Variants in PFKP observed in about 807,000 individuals in gnomAD.
PFKP encodes ATP-dependent 6-phosphofructokinase, platelet type.
PFKP carries 101 observed loss-of-function variants against 94.3 expected under a neutral mutation model. That is an observed-to-expected ratio of 1.07 (90% CI 0.91 to 1.26). The LOEUF (loss-of-function observed/expected upper bound fraction) is 1.26. PFKP is among the 50% of genes most tolerant of loss of function. The pLI is 0.00. For synonymous variants in PFKP, 573 were observed against 432.6 expected (o/e 1.32, Z -4.03); for missense variants, 1,145 against 1,103.3 (o/e 1.04, Z -0.53).
chr10:3,099,582 G>A (rs1189205418), intron 3 of PFKP, among the ~76,000 whole-genome samples: 1 of 152,170 alleles, frequency 6.6e-6, no homozygotes, highest in Non-Finnish European at 1.5e-5. Flanking sequence ...GTGCCTCCCC[G>A]CTGAAGACGC....
rs571459367 is a variant in PFKP, at chr10:3,100,988, G to C, written c.265-377G>C. The C allele has an allele frequency of 4.2e-5, 67 of 1,611,976 alleles. No homozygotes were observed. The South Asian group carries it at 7.1e-4, about 17-fold the overall frequency. ...CACACCGCTTCCCTTGTCCTGGCCG[G>C]CATGCTCTGGTGGTCAGTGGGCTTG... On this transcript the variant is annotated intron_variant, in intron 3 of 21. Transcript: ENST00000381125.
intron 2 of PFKP, among the ~76,000 whole-genome samples, chr10:3,092,141 C>G (rs2131484476): frequency 6.6e-6 from 1 of 151,800 alleles, no homozygotes; most frequent in African/African-American, 2.4e-5. Context: ...GTCTCCATCT[C>G]CCCATGGCCC....
intron 15 of PFKP, 118 bp from the exon 16 acceptor site, chr10:3,119,774 G>T (rs1166835499): frequency 1.2e-5 from 6 of 506,016 alleles, no homozygotes; most frequent in South Asian, 6.4e-5. Flanking sequence ...GTGTTTTCGT[G>T]ATGCCCCAGT....
At chr10:3,113,644 T>C (rs142856377) in intron 13 of PFKP, 126 bp downstream of exon 13, 12,054 of 796,072 alleles carry the variant, frequency 0.015, 174 homozygotes, top group East Asian at 0.051. Context: ...TCCTGTGATA[T>C]TGTGACTGAA....
Position 3,079,129 on chromosome 10 carries a change from G to A in PFKP, c.113-3259G>A, listed in dbSNP as rs372146013. Among the ~76,000 whole-genome samples the A allele has an allele frequency of 2.3e-3, 357 of 152,312 alleles. 2 individuals carry two copies. The highest frequency in any genetic ancestry group is 6.6e-3 in the Admixed American group (101 of 15,296). ...TTTCCAGGTGGGTGCAGGTGAACCC[G>A]GAGTGGGGGTGGGGAGAATCCAGCA... On this transcript the variant is annotated intron_variant, in intron 1 of 21. Transcript: ENST00000381125.
chr10:3,133,145 C>A, intron 18 of PFKP, 58 bp from the exon 19 acceptor site: 2 of 1,266,110 alleles, frequency 1.6e-6, no homozygotes, highest in Non-Finnish European at 1.2e-6. Flanking sequence ...TCTCCCCAAG[C>A]AGGGAGCCAC....
At chr10:3,094,833 C>A (rs569481531) in intron 2 of PFKP, among the ~76,000 whole-genome samples, 3 of 152,190 alleles carry the variant, frequency 2.0e-5, no homozygotes, top group Admixed American at 6.5e-5. Flanking sequence ...GCTTTAGGTT[C>A]TGTGGGGGAG....
intron 16 of PFKP, 73 bp from the exon 17 acceptor site, chr10:3,129,746 C>T (rs1425562528): frequency 1.1e-5 from 17 of 1,541,270 alleles, no homozygotes; most frequent in Non-Finnish European, 1.4e-5. Context: ...TGCACTCACT[C>T]TTGGGGGAGC....
In PFKP at chr10:3,132,412, G is replaced by A. The variant is rs377741118; in HGVS notation, c.1881G>A (p.Lys627=). 7.6e-5 allele frequency: 123 copies of A among 1,612,714 alleles called. No homozygotes were observed. The highest frequency in any genetic ancestry group is 1.0e-4 in the Non-Finnish European group (120 of 1,178,880). The change falls in exon 18 of 22, where the codon AAG becomes AAA. Residue 627 remains lysine (K), a synonymous_variant. Transcript: ENST00000381125. ...SNVEHLTEKM[K]TTIQRGLVLR... ...TGGAGCACCTGACGGAGAAAATGAA[G>A]ACCACCATCCAGAGAGGCCTTGTGC...
chr10:3,078,203 G>C (rs1281927814), intron 1 of PFKP, among the ~76,000 whole-genome samples: 1 of 152,244 alleles, frequency 6.6e-6, no homozygotes, highest in Non-Finnish European at 1.5e-5. Flanking sequence ...ACTTTTACCT[G>C]TGACGCCAAA....
chr10:3,118,536 T>C (rs562276836), intron 14 of PFKP, among the ~76,000 whole-genome samples: 6 of 152,342 alleles, frequency 3.9e-5, no homozygotes, highest in Middle Eastern at 3.4e-3. Context: ...TAGAGTTCTT[T>C]TTAGGTCAAG....
chr10:3,109,464 T>TG lies in PFKP; in HGVS notation c.1075dup (p.Glu359GlyfsTer46). On this transcript the variant is annotated frameshift_variant, in exon 10 of 22. Transcript: ENST00000381125. LOFTEE classifies it high-confidence loss of function. Reference sequence around the variant, plus strand: ...AACCACGCCGTGCGCCTGCCGCTGATGGAGTGCGTGCAGATGGTGAGTGGG... The same window carrying TG: ...AACCACGCCGTGCGCCTGCCGCTGATGGGAGTGCGTGCAGATGGTGAGTGGG... 6.2e-7 allele frequency: 1 copy of TG among 1,605,576 alleles called. No homozygotes were observed. Among genetic ancestry groups the TG allele is most frequent in the South Asian group, 1.1e-5 (1 of 90,998 alleles).
At chr10:3,109,874 G>C (rs1435209596) in intron 10 of PFKP, among the ~76,000 whole-genome samples, 1 of 152,000 alleles carries the variant, frequency 6.6e-6, no homozygotes. Context: ...GGAGGCGGGC[G>C]TGAGAGAGAC....
intron 16 of PFKP, among the ~76,000 whole-genome samples, chr10:3,126,360 C>A (rs917080128): frequency 3.9e-5 from 6 of 152,204 alleles, no homozygotes; most frequent in African/African-American, 1.4e-4. Flanking sequence ...GGCTCATTCC[C>A]AGGACTTCCT....
chr10:3,135,685 A>C (rs1403111979), intron 20 of PFKP, 51 bp from the exon 21 acceptor site: 1 of 1,118,998 alleles, frequency 8.9e-7, no homozygotes, highest in East Asian at 2.4e-5. Flanking sequence ...CTGCTCCCCC[A>C]CCTGCCCATG....
At chr10:3,103,748 C>G (rs200778414) in intron 4 of PFKP, 31 bp from the exon 5 acceptor site, 2 of 1,611,342 alleles carry the variant, frequency 1.2e-6, no homozygotes, top group East Asian at 2.2e-5. Flanking sequence ...ATGGTTACGG[C>G]GATGAGACGT....
At chr10:3,133,085 T>G (rs770538052) in intron 18 of PFKP, 118 bp from the exon 19 acceptor site, 1 of 741,308 alleles carries the variant, frequency 1.3e-6, no homozygotes, top group Non-Finnish European at 2.4e-6. Flanking sequence ...GGTGTTGATG[T>G]AGAATCACCA....
chr10:3,135,865 A>C (rs199532172), intron 21 of PFKP, 27 bp downstream of exon 21: 23 of 1,364,956 alleles, frequency 1.7e-5, no homozygotes, highest in Non-Finnish European at 2.1e-5. Context: ...CCCTGAGGCA[A>C]TAAGACCCCA....
chr10:3,070,136 C>G (rs979317151), intron 1 of PFKP: 1 of 152,262 alleles, frequency 6.6e-6, no homozygotes, highest in Admixed American at 6.5e-5. Context: ...CGCCTGGGCA[C>G]TCTTTCCCTG....
Sources: gnomAD v4.1 joint callset for allele counts (sites outside exome capture counted in the v4.1 genomes callset) on GRCh38, gnomAD v4.1.1 for gene constraint, MANE v1.5 for transcripts, NCBI Gene and HGNC (gene_info 2026-07-23, HGNC 2026-07-21) for gene names.